Variants in SLC16A7 observed in about 807,000 individuals in gnomAD.
The protein encoded by SLC16A7 is solute carrier family 16 member 7, also known as monocarboxylate transporter 2.
Under a neutral mutation model 34.9 loss-of-function variants are expected in SLC16A7, and 33 were observed. The observed-to-expected ratio is 0.94, with a 90% CI of 0.72 to 1.26. The LOEUF (loss-of-function observed/expected upper bound fraction) is 1.26. Among genes scored for constraint, SLC16A7 ranks in the 50% most tolerant of loss-of-function variants. The pLI, the probability that SLC16A7 is intolerant of heterozygous loss-of-function variation, is 0.00. For synonymous variants in SLC16A7, 201 were observed against 206.6 expected (o/e 0.97, Z 0.23); for missense variants, 573 against 578.1 (o/e 0.99, Z 0.09).
At chr12:59,635,106 A>G (rs1298641452) in intron 1 of SLC16A7, among the ~76,000 whole-genome samples, 2 of 152,066 alleles carry the variant, frequency 1.3e-5, no homozygotes, top group African/African-American at 2.4e-5. Context: ...ATTGTCATGC[A>G]GCCATTAGCT....
intron 1 of SLC16A7, among the ~76,000 whole-genome samples, chr12:59,614,146 G>A (rs1204332804): frequency 6.6e-6 from 1 of 151,904 alleles, no homozygotes; most frequent in African/African-American, 2.4e-5. Context: ...CGCCTCCTGG[G>A]TTCAAGCTAT....
intron 2 of SLC16A7, among the ~76,000 whole-genome samples, chr12:59,665,809 CGTGTGTGTGTGT>C (rs34983187): frequency 7.0e-5 from 10 of 142,982 alleles, no homozygotes; most frequent in Non-Finnish European, 1.4e-4. Flanking sequence ...ATATATAACA[CGTGTGTGTGTGT>C]GTGTGTGTGT....
chr12:59,635,841 T>G (rs866234166), intron 1 of SLC16A7, among the ~76,000 whole-genome samples: 19 of 151,876 alleles, frequency 1.3e-4, no homozygotes, highest in African/African-American at 4.1e-4. Context: ...CACTCAAAAA[T>G]CCCTGTTCTC....
intron 3 of SLC16A7, among the ~76,000 whole-genome samples, chr12:59,727,567 CA>C (rs1198473277): frequency 6.6e-6 from 1 of 152,034 alleles, no homozygotes; most frequent in Admixed American, 6.6e-5. Context: ...GTAAATAATT[CA>C]GAAATGCTTT....
At chr12:59,656,038 C>T (rs1038879169) in intron 2 of SLC16A7, among the ~76,000 whole-genome samples, 5 of 152,040 alleles carry the variant, frequency 3.3e-5, no homozygotes, top group East Asian at 1.9e-4. Context: ...TAGATTGCTA[C>T]GTATTTTAAC....
rs145885132 is a variant in SLC16A7 at position 59,699,002 on chromosome 12, T to C, written c.-30-5770T>C. 1.4e-3 allele frequency among the ~76,000 whole-genome samples: 213 copies of C among 151,900 alleles called. 1 individual carries two copies. The highest frequency in any genetic ancestry group is 6.8e-3 in the Middle Eastern group (2 of 294). On this transcript the variant is annotated intron_variant, in intron 2 of 5. Coordinates refer to ENST00000547379, the MANE Select transcript of SLC16A7 (RefSeq NM_001270623.2). Reference sequence around the variant, plus strand: ...GGATAAAATGTATTATGTAAACATGTATAACTGAAGCTATAGCAGAGTATT... The same window carrying C: ...GGATAAAATGTATTATGTAAACATGCATAACTGAAGCTATAGCAGAGTATT...
Position 59,596,388 on chromosome 12 carries a change from C to G in SLC16A7, c.-130+152C>G, listed in dbSNP as rs1316958377. 6.6e-6 allele frequency among the ~76,000 whole-genome samples: 1 copy of G among 152,114 alleles called. No individual in the cohort carries two copies. Among genetic ancestry groups the G allele is most frequent in the Non-Finnish European group, 1.5e-5 (1 of 68,034 alleles). ...CCAGCCTGTGACAAACGTGCCAACGCAGAGTTGGCCAGCGAGCCCTTATAT... is the reference window on the plus strand; with the variant it reads ...CCAGCCTGTGACAAACGTGCCAACGGAGAGTTGGCCAGCGAGCCCTTATAT... On this transcript the variant is annotated intron_variant, in intron 1 of 5. Transcript: ENST00000547379. This position sits in a 1 kb window ranked among gnomAD's most constrained non-coding sequence, Gnocchi z 5.0.
chr12:59,695,864 G>T (rs1409465723), intron 2 of SLC16A7, among the ~76,000 whole-genome samples: 1 of 151,968 alleles, frequency 6.6e-6, no homozygotes, highest in Non-Finnish European at 1.5e-5. Flanking sequence ...ATATTTTTCT[G>T]TCGCCCCGAT....
At chr12:59,734,356 G>A (rs566689481) in intron 3 of SLC16A7, among the ~76,000 whole-genome samples, 2 of 152,304 alleles carry the variant, frequency 1.3e-5, no homozygotes, top group South Asian at 2.1e-4. Flanking sequence ...ACCCAGGCTC[G>A]GCTTCAACTT....
chr12:59,737,255 A>G (rs1877705392), intron 3 of SLC16A7, among the ~76,000 whole-genome samples: 1 of 152,234 alleles, frequency 6.6e-6, no homozygotes, highest in African/African-American at 2.4e-5. Context: ...CCTAGATAAT[A>G]ATAATAAAGA....
At chr12:59,776,113 A>G (rs1023385076) in intron 5 of SLC16A7, among the ~76,000 whole-genome samples, 1 of 152,176 alleles carries the variant, frequency 6.6e-6, no homozygotes, top group Non-Finnish European at 1.5e-5. Context: ...AAAGATGCCA[A>G]TAAAAGTGTC....
At position 59,780,711 on chromosome 12, in the gene SLC16A7, C is replaced by A. The variant is rs976026353; in HGVS notation, c.*1032C>A. 1 of 151,938 alleles carries A rather than the reference C, an allele frequency of 6.6e-6. No individual in the cohort carries two copies. The highest frequency in any genetic ancestry group is 2.1e-4 in the South Asian group (1 of 4,810). 9.4% of individuals were successfully genotyped at this position (151,938 alleles called of 1,614,324 possible). A position where few individuals can be genotyped will look rare whatever the true frequency, so the allele number is the denominator to read the frequency against. ...CTAGTTGGCAGGATTGTAAGTAGAC[C>A]GAATTCTAATTTTTCCCAACACATA... On this transcript the variant is annotated 3_prime_UTR_variant, in exon 6 of 6. Transcript: ENST00000547379.
intron 2 of SLC16A7, among the ~76,000 whole-genome samples, chr12:59,704,248 A>G (rs1024493426): frequency 6.6e-6 from 1 of 151,470 alleles, no homozygotes; most frequent in African/African-American, 2.4e-5. Context: ...AAAAGAAAAA[A>G]GTGAGTTAGA....
At chr12:59,673,484 T>TA (rs1870057101) in intron 2 of SLC16A7, among the ~76,000 whole-genome samples, 1 of 145,420 alleles carries the variant, frequency 6.9e-6, no homozygotes, top group South Asian at 2.1e-4. Context: ...GCAAACATGT[T>TA]TTTTTTTTTT....
At chr12:59,698,635 TC>T (rs1422664618) in intron 2 of SLC16A7, among the ~76,000 whole-genome samples, 1 of 151,784 alleles carries the variant, frequency 6.6e-6, no homozygotes, top group Non-Finnish European at 1.5e-5. Context: ...GAATATAAGT[TC>T]CGTTGTTCAC....
Position 59,779,803 on chromosome 12 carries a change from T to C in SLC16A7, c.*124T>C, listed in dbSNP as rs1245410178. ...GAGGAGTCACAATTAAGGATGGAGGTGATATTTTCCTCAATGGCAAATTTT... is the reference window on the plus strand; with the variant it reads ...GAGGAGTCACAATTAAGGATGGAGGCGATATTTTCCTCAATGGCAAATTTT... On this transcript the variant is annotated 3_prime_UTR_variant, in exon 6 of 6. Coordinates refer to ENST00000547379, the MANE Select transcript of SLC16A7 (RefSeq NM_001270623.2). 4 of 727,010 alleles carry C rather than the reference T, an allele frequency of 5.5e-6. No individual in the cohort carries two copies. The African/African-American group carries it at 7.2e-5, about 13-fold the overall frequency. 45.0% of individuals were successfully genotyped at this position (727,010 alleles called of 1,614,324 possible). A position where few individuals can be genotyped will look rare whatever the true frequency, so the allele number is the denominator to read the frequency against.
intron 3 of SLC16A7, among the ~76,000 whole-genome samples, chr12:59,715,759 A>C (rs894895856): frequency 8.5e-5 from 13 of 152,230 alleles, no homozygotes; most frequent in African/African-American, 3.1e-4. Context: ...TAAATATAGA[A>C]TCTGCAAATA....
At chr12:59,632,625 C>A (rs530403914) in intron 1 of SLC16A7, among the ~76,000 whole-genome samples, 1 of 152,120 alleles carries the variant, frequency 6.6e-6, no homozygotes, top group South Asian at 2.1e-4. Flanking sequence ...CTACCTCTGT[C>A]CTCTAGAAGC....
chr12:59,641,832 T>C (rs1345525483), intron 1 of SLC16A7, among the ~76,000 whole-genome samples: 2 of 151,988 alleles, frequency 1.3e-5, no homozygotes, highest in Non-Finnish European at 2.9e-5. Context: ...TTTTATAGAA[T>C]GTCTTTGTGG....
Sources: gnomAD v4.1 joint callset for allele counts (sites outside exome capture counted in the v4.1 genomes callset) on GRCh38, gnomAD v4.1.1 for gene constraint, Gnocchi (gnomAD v3.1) non-coding constraint, MANE v1.5 for transcripts, NCBI Gene and HGNC (gene_info 2026-07-23, HGNC 2026-07-21) for gene names.